Variants in SGCZ observed in about 807,000 individuals in gnomAD.
SGCZ encodes the protein sarcoglycan zeta.
Under a neutral mutation model 41.3 loss-of-function variants are expected in SGCZ, and 40 were observed. The ratio of observed to expected loss-of-function variants is 0.97; its 90% CI spans 0.75 to 1.26. The LOEUF is 1.26. Ranked by LOEUF, SGCZ falls within the 50% of genes most tolerant of loss-of-function variation. The pLI is 0.00. For missense variants in SGCZ, 552 were observed against 369.8 expected, an observed-to-expected ratio of 1.49 and a Z score of -4.04; for synonymous variants, 206 against 137.5, an observed-to-expected ratio of 1.50 and a Z score of -3.49.
intron 1 of SGCZ, among the ~76,000 whole-genome samples, chr8:14,904,286 A>G (rs1245216392): frequency 2.0e-5 from 3 of 152,074 alleles, no homozygotes; most frequent in African/African-American, 7.2e-5. Flanking sequence ...TCCTGAAAAC[A>G]GCATTGTTTT....
rs573466000 is a variant in SGCZ at position 14,686,298 on chromosome 8, G to A, written c.40-131372C>T. ...GTAATATGTTGTAAGCACTAAATTT[G>A]AGTAATTTGAAATATACAATATAGT... On this transcript the variant is annotated intron_variant, in intron 1 of 7. Transcript: ENST00000382080. Among the ~76,000 whole-genome samples the A allele has an allele frequency of 3.3e-5, 5 of 152,074 alleles. No individual in the cohort carries two copies. In the South Asian group the frequency reaches 1.0e-3, roughly 32 times the overall value.
At chr8:15,166,595 A>G (rs1479471593) in intron 1 of SGCZ, among the ~76,000 whole-genome samples, 2 of 152,156 alleles carry the variant, frequency 1.3e-5, no homozygotes, top group Non-Finnish European at 2.9e-5. Flanking sequence ...ATGCTAATAT[A>G]TATTGCAAAC....
chr8:14,327,868 C>A (rs1201402913), intron 2 of SGCZ, among the ~76,000 whole-genome samples: 1 of 152,144 alleles, frequency 6.6e-6, no homozygotes, highest in African/African-American at 2.4e-5. Context: ...GCAACCTCCA[C>A]CTCCCAGGTT....
At chr8:14,630,444 C>A (rs2117395434) in intron 1 of SGCZ, among the ~76,000 whole-genome samples, 1 of 152,110 alleles carries the variant, frequency 6.6e-6, no homozygotes, top group African/African-American at 2.4e-5. Flanking sequence ...CTAGTTCAAC[C>A]ACTGTGGAAG....
intron 1 of SGCZ, among the ~76,000 whole-genome samples, chr8:14,677,541 T>C (rs886072027): frequency 1.3e-5 from 2 of 152,020 alleles, no homozygotes; most frequent in Admixed American, 6.6e-5. Context: ...GAGGCTGAGG[T>C]GAGCAGATCA....
intron 1 of SGCZ, among the ~76,000 whole-genome samples, chr8:14,885,749 T>C (rs979155910): frequency 6.6e-6 from 1 of 151,958 alleles, no homozygotes; most frequent in Non-Finnish European, 1.5e-5. Context: ...GGTTATTTTG[T>C]TTGTTTTAAT....
intron 1 of SGCZ, among the ~76,000 whole-genome samples, chr8:14,868,960 C>CA (rs1354496008): frequency 2.6e-5 from 4 of 151,772 alleles, no homozygotes; most frequent in Non-Finnish European, 4.4e-5. Flanking sequence ...ACTTACCAAC[C>CA]AAAAAAAGCC....
At chr8:14,781,617 A>C (rs767232983) in intron 1 of SGCZ, among the ~76,000 whole-genome samples, 1 of 152,178 alleles carries the variant, frequency 6.6e-6, no homozygotes, top group Non-Finnish European at 1.5e-5. Context: ...TTATCCATTC[A>C]TTTCTAATAA....
intron 2 of SGCZ, among the ~76,000 whole-genome samples, chr8:14,424,527 T>C (rs753388487): frequency 1.5e-4 from 23 of 152,330 alleles, no homozygotes; most frequent in South Asian, 4.1e-4. Flanking sequence ...TATGTGTGTG[T>C]GTATATATCC....
At chr8:14,544,975 CCCTTTTGAAA>C (rs1446036317) in intron 2 of SGCZ, among the ~76,000 whole-genome samples, 2 of 152,096 alleles carry the variant, frequency 1.3e-5, no homozygotes, top group African/African-American at 2.4e-5. Context: ...ACACCCTCTT[CCCTTTTGAAA>C]CCTTTAATAA....
intron 5 of SGCZ, among the ~76,000 whole-genome samples, chr8:14,144,044 G>A (rs1021055088): frequency 1.3e-5 from 2 of 152,052 alleles, no homozygotes; most frequent in Non-Finnish European, 2.9e-5. Context: ...AACTTAAAAG[G>A]CACTCTAGGC....
At chr8:14,713,702 A>T (rs1184365134) in intron 1 of SGCZ, among the ~76,000 whole-genome samples, 11 of 149,880 alleles carry the variant, frequency 7.3e-5, no homozygotes, top group Non-Finnish European at 1.3e-4. Flanking sequence ...AAAGAAAAAA[A>T]AAAAAGCTAA....
At chr8:14,542,675 C>T (rs1803506495) in intron 2 of SGCZ, among the ~76,000 whole-genome samples, 3 of 152,038 alleles carry the variant, frequency 2.0e-5, no homozygotes, top group African/African-American at 7.2e-5. Context: ...TTAAAAGCTA[C>T]TACATCACTT....
chr8:14,753,254 T>C (rs1398852150), intron 1 of SGCZ, among the ~76,000 whole-genome samples: 13 of 152,152 alleles, frequency 8.5e-5, no homozygotes, highest in Admixed American at 8.5e-4. Flanking sequence ...ATTCATAAAT[T>C]TCTCTATTAT....
chr8:14,858,553 G>C (rs1278993201), intron 1 of SGCZ, among the ~76,000 whole-genome samples: 4 of 152,050 alleles, frequency 2.6e-5, no homozygotes, highest in Non-Finnish European at 5.9e-5. Flanking sequence ...AGCTAATTTT[G>C]AATATTCTTC....
chr8:14,418,218 C>T (rs1443687670), intron 2 of SGCZ, among the ~76,000 whole-genome samples: 1 of 151,838 alleles, frequency 6.6e-6, no homozygotes, highest in African/African-American at 2.4e-5. Flanking sequence ...TTTGTTGTCA[C>T]TTTAAAGTAT....
intron 3 of SGCZ, among the ~76,000 whole-genome samples, chr8:14,306,591 A>T (rs1801359580): frequency 6.6e-6 from 1 of 152,200 alleles, no homozygotes; most frequent in Non-Finnish European, 1.5e-5. Flanking sequence ...CATGGCAAAA[A>T]CAATATGCCT....
At chr8:14,483,420 A>T (rs1213824435) in intron 2 of SGCZ, among the ~76,000 whole-genome samples, 1 of 152,144 alleles carries the variant, frequency 6.6e-6, no homozygotes, top group Non-Finnish European at 1.5e-5. Context: ...CAATTTAAAA[A>T]ATTAGCTGGG....
chr8:14,826,691 TGAG>T (rs1328335522), intron 1 of SGCZ, among the ~76,000 whole-genome samples: 8 of 152,200 alleles, frequency 5.3e-5, no homozygotes, highest in African/African-American at 1.7e-4. Flanking sequence ...CCAGTGATGA[TGAG>T]CATTTTTTCA....
Sources: allele counts gnomAD v4.1 joint callset (sites outside exome capture counted in the v4.1 genomes callset), GRCh38; gene constraint gnomAD v4.1.1; transcripts MANE v1.5; gene names NCBI Gene and HGNC (gene_info 2026-07-23, HGNC 2026-07-21).